The following CADPS2 variants were observed in gnomAD, a reference collection of about 807,000 sequenced individuals.
CADPS2 encodes the protein calcium-dependent secretion activator 2.
A neutral mutation model predicts 172.5 loss-of-function variants in CADPS2; 93 were observed. The ratio of observed to expected loss-of-function variants is 0.54; its 90% CI spans 0.46 to 0.64. The LOEUF (loss-of-function observed/expected upper bound fraction) is 0.64. Ranked by LOEUF, CADPS2 falls within the 30% of genes least tolerant of loss-of-function variation. The pLI, the probability that CADPS2 is intolerant of heterozygous loss-of-function variation, is 0.00. For synonymous variants in CADPS2, 546 were observed against 555.2 expected (o/e 0.98, Z 0.23); for missense variants, 1,420 against 1,565.9 (o/e 0.91, Z 1.57).
rs1432114940 is a variant in CADPS2 at position 122,388,664 on chromosome 7, C to T, written c.3083G>A (p.Trp1028Ter). ...GTGGTGGGCAAATTCCTGTTCTGGC[C>T]AGTGCAGATCAAAGACAAACATTTG... is the stretch of plus-strand genomic sequence containing the variant. ...ALQMFVFDLH[W>*]PEQEFAHHLE... The change falls in exon 23 of 30, where the codon TGG becomes TAG. Residue 1028 changes from tryptophan (W) to a stop codon, truncating the protein, a stop_gained. Coordinates refer to ENST00000449022, the MANE Select transcript of CADPS2 (RefSeq NM_017954.11). LOFTEE classifies it high-confidence loss of function. 6.2e-7 allele frequency: 1 copy of T among 1,610,892 alleles called. No individual in the cohort carries two copies. Among genetic ancestry groups the T allele is most frequent in the Admixed American group, 1.7e-5 (1 of 59,722 alleles).
chr7:122,503,054 C>CG (rs2059340319), intron 9 of CADPS2, among the ~76,000 whole-genome samples: 8 of 129,880 alleles, frequency 6.2e-5, no homozygotes, highest in Admixed American at 4.2e-4. Flanking sequence ...TTTTTTGAGA[C>CG]GGGGTCTCGC....
chr7:122,524,714 G>A (rs2061068524), intron 8 of CADPS2, among the ~76,000 whole-genome samples: 1 of 152,186 alleles, frequency 6.6e-6, no homozygotes, highest in South Asian at 2.1e-4. Flanking sequence ...GAAATTAACT[G>A]GACTAGATTA....
intron 1 of CADPS2, among the ~76,000 whole-genome samples, chr7:122,844,402 C>T (rs151217155): frequency 5.1e-4 from 77 of 152,316 alleles, no homozygotes; most frequent in Non-Finnish European, 8.7e-4. Flanking sequence ...TTGTTCACTA[C>T]TACAACTCTC....
intron 1 of CADPS2, among the ~76,000 whole-genome samples, chr7:122,786,873 G>T (rs551789136): frequency 6.6e-6 from 1 of 152,142 alleles, no homozygotes; most frequent in East Asian, 1.9e-4. Context: ...ACCTACTTGT[G>T]ACCCATCCTC....
chr7:122,540,080 G>A (rs1020691137), intron 8 of CADPS2, among the ~76,000 whole-genome samples: 2 of 151,904 alleles, frequency 1.3e-5, no homozygotes, highest in African/African-American at 4.8e-5. Flanking sequence ...TATTTTAGCT[G>A]CGTATTTGAG....
intron 6 of CADPS2, among the ~76,000 whole-genome samples, chr7:122,593,522 A>G (rs760138784): frequency 3.3e-5 from 5 of 152,066 alleles, no homozygotes; most frequent in Non-Finnish European, 5.9e-5. Flanking sequence ...TGAGGCATCA[A>G]TGAAAATGAT....
chr7:122,359,577 C>T (rs938923920), intron 27 of CADPS2, among the ~76,000 whole-genome samples: 2 of 152,124 alleles, frequency 1.3e-5, no homozygotes, highest in Non-Finnish European at 2.9e-5. Context: ...ATGTGTGTTA[C>T]AAAGTCCAAT....
intron 12 of CADPS2, among the ~76,000 whole-genome samples, chr7:122,479,226 A>C (rs1478018376): frequency 6.6e-6 from 1 of 152,168 alleles, no homozygotes; most frequent in Non-Finnish European, 1.5e-5. Flanking sequence ...ACTCTTTTGA[A>C]ATATAATACA....
chr7:122,732,499 A>G (rs1363042623), intron 2 of CADPS2, among the ~76,000 whole-genome samples: 1 of 150,528 alleles, frequency 6.6e-6, no homozygotes, highest in Non-Finnish European at 1.5e-5. Context: ...ACGAGTACAA[A>G]GATATCTTTT....
intron 14 of CADPS2, 85 bp downstream of exon 14, chr7:122,471,290 C>A: frequency 5.4e-5 from 29 of 532,474 alleles, no homozygotes; most frequent in Non-Finnish European, 7.1e-5. Context: ...CAATCTGTTA[C>A]TGGGTGATAA....
intron 15 of CADPS2, among the ~76,000 whole-genome samples, chr7:122,448,721 C>A (rs141633239): frequency 9.2e-5 from 14 of 152,156 alleles, no homozygotes; most frequent in African/African-American, 3.4e-4. Context: ...ATCCCGTGCA[C>A]AGAATTTCTC....
At chr7:122,571,522 C>A (rs577476067) in intron 7 of CADPS2, among the ~76,000 whole-genome samples, 7 of 152,180 alleles carry the variant, frequency 4.6e-5, no homozygotes, top group Non-Finnish European at 7.4e-5. Flanking sequence ...AAGACTCAGG[C>A]CAACTTCTCA....
At chr7:122,483,543 C>T (rs937717108) in intron 11 of CADPS2, among the ~76,000 whole-genome samples, 2 of 151,936 alleles carry the variant, frequency 1.3e-5, no homozygotes, top group East Asian at 1.9e-4. Context: ...TGTACATGTA[C>T]ATAACATGTA....
At chr7:122,550,006 T>G (rs1349804921) in intron 8 of CADPS2, among the ~76,000 whole-genome samples, 1 of 152,168 alleles carries the variant, frequency 6.6e-6, no homozygotes, top group Non-Finnish European at 1.5e-5. Context: ...AATGAAACTT[T>G]ACTAGAGTGC....
intron 17 of CADPS2, among the ~76,000 whole-genome samples, chr7:122,428,416 T>C (rs1340499999): frequency 6.6e-6 from 1 of 151,204 alleles, no homozygotes; most frequent in Non-Finnish European, 1.5e-5. Context: ...CCTCTGCCCT[T>C]GAGTGTATGT....
At chr7:122,709,617 T>C (rs946919926) in intron 2 of CADPS2, among the ~76,000 whole-genome samples, 20 of 152,052 alleles carry the variant, frequency 1.3e-4, no homozygotes, top group African/African-American at 4.6e-4. Flanking sequence ...CGTATGTTTA[T>C]TGCGGCACTA....
intron 2 of CADPS2, among the ~76,000 whole-genome samples, chr7:122,688,885 T>C (rs2083968496): frequency 6.6e-6 from 1 of 152,162 alleles, no homozygotes; most frequent in Non-Finnish European, 1.5e-5. Context: ...AGGCCTTGGA[T>C]ACACAGGTTA....
chr7:122,616,694 C>A lies in CADPS2; in HGVS notation c.1105-1395G>T, dbSNP rs553392877. Among the ~76,000 whole-genome samples, 138 of 152,178 alleles carry A rather than the reference C, an allele frequency of 9.1e-4. 1 individual carries two copies. Among genetic ancestry groups the A allele is most frequent in the African/African-American group, 3.2e-3 (132 of 41,526 alleles). ...TTAATGGAGAATTGATAGAGAAAAGCAGTATCTTTCACAGCTGTTCTAATA... is the reference window on the plus strand; with the variant it reads ...TTAATGGAGAATTGATAGAGAAAAGAAGTATCTTTCACAGCTGTTCTAATA... On this transcript the variant is annotated intron_variant, in intron 5 of 29. Transcript: ENST00000449022.
At chr7:122,853,309 T>C (rs1383021531) in intron 1 of CADPS2, among the ~76,000 whole-genome samples, 1 of 152,204 alleles carries the variant, frequency 6.6e-6, no homozygotes, top group Non-Finnish European at 1.5e-5. Context: ...CCTCCATTAT[T>C]CCAGCCCCCT....
Sources: allele counts gnomAD v4.1 joint callset (sites outside exome capture counted in the v4.1 genomes callset), GRCh38; gene constraint gnomAD v4.1.1; transcripts MANE v1.5; gene names NCBI Gene and HGNC (gene_info 2026-07-23, HGNC 2026-07-21).